Variants in IKBKE observed in about 807,000 individuals in gnomAD.
The protein encoded by IKBKE is inhibitor of nuclear factor kappa B kinase subunit epsilon.
Under a neutral mutation model 92.1 loss-of-function variants are expected in IKBKE, and 45 were observed. That is an observed-to-expected ratio of 0.49 (90% CI 0.38 to 0.63). IKBKE has a LOEUF of 0.63. IKBKE is among the 20% of genes least tolerant of loss of function. IKBKE has a pLI of 0.00. For missense variants in IKBKE, 700 were observed against 932.8 expected (o/e 0.75, Z 3.25); for synonymous variants, 374 against 380.3 (o/e 0.98, Z 0.19).
In IKBKE at chr1:206,473,254, G is replaced by T. The variant is rs782299835; in HGVS notation, c.27G>T (p.Trp9Cys). 1.2e-6 allele frequency: 2 copies of T among 1,613,136 alleles called. No homozygotes were observed. The highest frequency in any genetic ancestry group is 1.7e-6 in the Non-Finnish European group (2 of 1,179,632). ...TGCAGAGCACAGCCAATTACCTGTGGCACACAGATGACCTGCTGGGGCAGG... is the reference window on the plus strand; with the variant it reads ...TGCAGAGCACAGCCAATTACCTGTGTCACACAGATGACCTGCTGGGGCAGG... MQSTANYLWHTDDLLGQGA... is the reference protein window; with the variant it reads MQSTANYLCHTDDLLGQGA... Residue 9 changes from tryptophan to cysteine, a missense_variant, in exon 3 of 22, where the codon TGG (tryptophan) becomes TGT (cysteine). By Grantham distance (215) the Trp-to-Cys change is radical. Transcript: ENST00000581977.
At chr1:206,481,099 G>A (rs142395354) in intron 13 of IKBKE, among the ~76,000 whole-genome samples, 5 of 152,302 alleles carry the variant, frequency 3.3e-5, no homozygotes, top group South Asian at 2.1e-4. Context: ...GAGAGAGACC[G>A]GGCAGGAGGA....
intron 10 of IKBKE, among the ~76,000 whole-genome samples, 170 bp downstream of exon 10, chr1:206,479,303 A>G (rs933626508): frequency 6.6e-6 from 1 of 152,220 alleles, no homozygotes; most frequent in Non-Finnish European, 1.5e-5. Context: ...GAGATGCCAC[A>G]TGACGTGGGC....
chr1:206,491,765 G>A lies in IKBKE; in HGVS notation c.1835+16G>A, dbSNP rs782668303. 6.3e-7 allele frequency: 1 copy of A among 1,587,760 alleles called. No individual in the cohort carries two copies. Among genetic ancestry groups the A allele is most frequent in the East Asian group, 2.2e-5 (1 of 44,566 alleles). On this transcript the variant is annotated intron_variant, in intron 18 of 21. Transcript: ENST00000581977. ...AGAGGATGAGGTAACAGCCCCTCCT[G>A]AGCTCCTGGAGCCCAGGGCCTGGCC...
chr1:206,491,681 G>T lies in IKBKE; in HGVS notation c.1767G>T (p.Leu589=). 6.2e-7 allele frequency: 1 copy of T among 1,613,540 alleles called. No individual in the cohort carries two copies. The highest frequency in any genetic ancestry group is 8.5e-7 in the Non-Finnish European group (1 of 1,179,594). Residue 589 remains leucine (L), a synonymous_variant, in exon 18 of 22, where the codon CTG becomes CTT. Transcript: ENST00000581977. ...VNFSHLAKRL[L]QVFQEECVQK... is the part of the protein sequence containing the mutation. ...TCAGTCATTTAGCCAAAAGACTCCTGCAGGTGTTCCAGGAGGAGTGCGTGC... is the reference window on the plus strand; with the variant it reads ...TCAGTCATTTAGCCAAAAGACTCCTTCAGGTGTTCCAGGAGGAGTGCGTGC...
Position 206,485,886 on chromosome 1 carries a change from C to T in IKBKE, c.1616+580C>T, listed in dbSNP as rs1182298731. Among the ~76,000 whole-genome samples the T allele has an allele frequency of 1.3e-5, 2 of 152,222 alleles. No homozygotes were observed. The highest frequency in any genetic ancestry group is 1.3e-4 in the Admixed American group (2 of 15,290). Reference sequence around the variant, plus strand: ...CATAAAAATACCCCCCTCCCCCAGGCCCCAGCTGACTGTGGGGAGCCGCTG... The same window carrying T: ...CATAAAAATACCCCCCTCCCCCAGGTCCCAGCTGACTGTGGGGAGCCGCTG... On this transcript the variant is annotated intron_variant, in intron 15 of 21. Coordinates refer to ENST00000581977, the MANE Select transcript of IKBKE (RefSeq NM_014002.4). This position sits in a 1 kb window ranked among gnomAD's most constrained non-coding sequence, Gnocchi z 5.0.
chr1:206,492,850 A>G (rs1553390915), intron 18 of IKBKE, 173 bp from the exon 19 acceptor site: 1 of 705,460 alleles, frequency 1.4e-6, no homozygotes, highest in Non-Finnish European at 2.6e-6. Flanking sequence ...CTTCTGCATT[A>G]TTGCAGTGGG....
At chr1:206,480,965 TCTC>T (rs1665353537) in intron 13 of IKBKE, among the ~76,000 whole-genome samples, 1 of 152,164 alleles carries the variant, frequency 6.6e-6, no homozygotes, top group African/African-American at 2.4e-5. Flanking sequence ...CCATGCCTCA[TCTC>T]CTGCTTTCTC....
rs41299041 is a variant in IKBKE, at chr1:206,488,044, G to A, written c.1693+54G>A. 152 of 1,384,330 alleles carry A rather than the reference G, an allele frequency of 1.1e-4. 1 individual carries two copies. Among genetic ancestry groups the A allele is most frequent in the Middle Eastern group, 4.3e-4 (2 of 4,702 alleles). The allele number at this position is 1,384,330 out of a possible 1,614,324, so 85.8% of individuals were successfully genotyped here. A position where few individuals can be genotyped will look rare whatever the true frequency, so the allele number is the denominator to read the frequency against. On this transcript the variant is annotated intron_variant, in intron 16 of 21. Coordinates refer to ENST00000581977, the MANE Select transcript of IKBKE (RefSeq NM_014002.4). ...CTCTCTCCTCTGTCTCCCTTCTTTC[G>A]CCTTTCTTCCTTTTCACTGGTGCTA...
At chr1:206,482,856 C>T (rs1665477597) in intron 13 of IKBKE, among the ~76,000 whole-genome samples, 1 of 152,262 alleles carries the variant, frequency 6.6e-6, no homozygotes, top group Non-Finnish European at 1.5e-5. Flanking sequence ...TAGCTCCACC[C>T]GCAGTGGAAC....
At position 206,482,069 on chromosome 1, in the gene IKBKE, G is replaced by A. The variant is rs569105242; in HGVS notation, c.1427+1536G>A. ...GCTGGGATTACAGGCGTGAGCCACC[G>A]CGCCCGGCCTAGGATGAGGCTTTTA... On this transcript the variant is annotated intron_variant, in intron 13 of 21. Transcript: ENST00000581977. 1.1e-3 allele frequency among the ~76,000 whole-genome samples: 165 copies of A among 152,168 alleles called. 2 individuals are homozygous for A. Among genetic ancestry groups the A allele is most frequent in the Non-Finnish European group, 1.2e-4 (8 of 67,996 alleles).
intron 5 of IKBKE, among the ~76,000 whole-genome samples, chr1:206,475,477 G>A (rs1365156079): frequency 4.6e-5 from 7 of 152,204 alleles, no homozygotes; most frequent in African/African-American, 1.4e-4. Flanking sequence ...GCTCATGCCT[G>A]TAATCCCAGC....
At position 206,471,228 on chromosome 1, in the gene IKBKE, G is replaced by A. The variant is rs1200859325; in HGVS notation, c.-50G>A. 6.6e-6 allele frequency: 1 copy of A among 152,340 alleles called. No individual in the cohort carries two copies. Among genetic ancestry groups the A allele is most frequent in the Non-Finnish European group, 1.5e-5 (1 of 68,130 alleles). The allele number at this position is 152,340 out of a possible 1,614,324, so 9.4% of individuals were successfully genotyped here. A position where few individuals can be genotyped will look rare whatever the true frequency, so the allele number is the denominator to read the frequency against. ...CAGGAAGAGCCTTTGCCTGACTCAG[G>A]GCAGCTCAGAGTGTGGGGTAAGTGC... On this transcript the variant is annotated 5_prime_UTR_variant, in exon 2 of 22. Transcript: ENST00000581977.
Position 206,485,830 on chromosome 1 carries a change from C to T in IKBKE, c.1616+524C>T, listed in dbSNP as rs782706294. Among the ~76,000 whole-genome samples, 2 of 152,208 alleles carry T rather than the reference C, an allele frequency of 1.3e-5. No individual in the cohort carries two copies. Among genetic ancestry groups the T allele is most frequent in the Non-Finnish European group, 2.9e-5 (2 of 68,038 alleles). On this transcript the variant is annotated intron_variant, in intron 15 of 21. Coordinates refer to ENST00000581977, the MANE Select transcript of IKBKE (RefSeq NM_014002.4). This position sits in a 1 kb window ranked among gnomAD's most constrained non-coding sequence, Gnocchi z 5.0. ...GCCTATGCCAGGCAGGGGTTTACAACCTTTAAGGCACCACTCTCCCTTTTA... is the reference window on the plus strand; with the variant it reads ...GCCTATGCCAGGCAGGGGTTTACAATCTTTAAGGCACCACTCTCCCTTTTA...
chr1:206,488,134 C>A, intron 16 of IKBKE, 144 bp downstream of exon 16: 1 of 663,588 alleles, frequency 1.5e-6, no homozygotes. Flanking sequence ...TGGAGGCCCA[C>A]TAAGCGGATG....
chr1:206,470,918 C>A (rs1267867594), intron 1 of IKBKE, among the ~76,000 whole-genome samples: 1 of 152,230 alleles, frequency 6.6e-6, no homozygotes, highest in African/African-American at 2.4e-5. Flanking sequence ...CAGCACCCAG[C>A]GCCTGCCCTC....
chr1:206,479,144 C>A lies in IKBKE; in HGVS notation c.1183+11C>A. ...TGGCCTTCAGGGACCGTGAGTAGAG[C>A]CACCTGGGCTGGATCTTTCTCCTCC... On this transcript the variant is annotated intron_variant, in intron 10 of 21. Transcript: ENST00000581977. 6.4e-7 allele frequency: 1 copy of A among 1,568,282 alleles called. No homozygotes were observed. The highest frequency in any genetic ancestry group is 8.6e-7 in the Non-Finnish European group (1 of 1,157,044).
chr1:206,491,770 C>T (rs546079608), intron 18 of IKBKE, 21 bp downstream of exon 18: 2 of 1,579,860 alleles, frequency 1.3e-6, no homozygotes, highest in South Asian at 2.2e-5. Flanking sequence ...CTCCTGAGCT[C>T]CTGGAGCCCA....
chr1:206,490,951 G>A lies in IKBKE; in HGVS notation c.1733+93G>A. 8.3e-7 allele frequency: 1 copy of A among 1,211,840 alleles called. No homozygotes were observed. The highest frequency in any genetic ancestry group is 1.7e-5 in the Admixed American group (1 of 59,046). The allele number at this position is 1,211,840 out of a possible 1,614,324, so 75.1% of individuals were successfully genotyped here. On this transcript the variant is annotated intron_variant, in intron 17 of 21. Transcript: ENST00000581977. The surrounding 1 kb of genome is among the most constrained non-coding windows in gnomAD (Gnocchi z 5.2). The stretch of plus-strand genomic sequence containing the variant: ...CAACGCCAGAGGAGAGGCAGTGAAG[G>A]GCCCTGTCCCGGACTGCAGCTGAGC...
chr1:206,490,773 G>C lies in IKBKE; in HGVS notation c.1694-46G>C, dbSNP rs781891165. ...CTCGACCTTTGCTGCACACTGTTTC[G>C]TTGACTGATTGAATAGGTGACATCT... On this transcript the variant is annotated intron_variant, in intron 16 of 21. Transcript: ENST00000581977. This position sits in a 1 kb window ranked among gnomAD's most constrained non-coding sequence, Gnocchi z 5.2. 4 of 1,598,540 alleles carry C rather than the reference G, an allele frequency of 2.5e-6. No homozygotes were observed. Among genetic ancestry groups the C allele is most frequent in the Non-Finnish European group, 3.4e-6 (4 of 1,165,874 alleles).
Sources: gnomAD v4.1 joint callset for allele counts (sites outside exome capture counted in the v4.1 genomes callset) on GRCh38, gnomAD v4.1.1 for gene constraint, Gnocchi (gnomAD v3.1) non-coding constraint, MANE v1.5 for transcripts, NCBI Gene and HGNC (gene_info 2026-07-23, HGNC 2026-07-21) for gene names.